The following UGT1A9 variants were observed in gnomAD, a reference collection of about 807,000 sequenced individuals.
The protein encoded by UGT1A9 is UDP glucuronosyltransferase family 1 member A9, also known as UDP-glucuronosyltransferase 1A9.
Under a neutral mutation model 45.0 loss-of-function variants are expected in UGT1A9, and 35 were observed. That is an observed-to-expected ratio of 0.78 (90% CI 0.59 to 1.03). The LOEUF (loss-of-function observed/expected upper bound fraction) is 1.03. Among genes scored for constraint, UGT1A9 ranks in the 50% least tolerant of loss-of-function variants. The pLI, the probability that UGT1A9 is intolerant of heterozygous loss-of-function variation, is 0.00. For synonymous variants in UGT1A9, 278 were observed against 250.6 expected (o/e 1.11, Z -1.03); for missense variants, 687 against 666.6 (o/e 1.03, Z -0.34).
intron 1 of UGT1A9, among the ~76,000 whole-genome samples, chr2:233,722,870 A>ATTTTTT: frequency 7.8e-6 from 1 of 127,982 alleles, no homozygotes; most frequent in Non-Finnish European, 1.7e-5. Context: ...GAAGGAAAAA[A>ATTTTTT]TAAATTTATT....
At chr2:233,697,139 T>G (rs2075377929) in intron 1 of UGT1A9, among the ~76,000 whole-genome samples, 1 of 152,116 alleles carries the variant, frequency 6.6e-6, no homozygotes. Flanking sequence ...TCTGTAATAG[T>G]TTGAGTGGAA....
chr2:233,732,704 T>C (rs2078302376), intron 1 of UGT1A9, among the ~76,000 whole-genome samples: 1 of 152,126 alleles, frequency 6.6e-6, no homozygotes. Flanking sequence ...GTTTTGTTAC[T>C]GTAGCCTTGT....
At chr2:233,767,212 G>T (rs377453564) in intron 2 of UGT1A9, 47 bp downstream of exon 2, 3 of 1,612,180 alleles carry the variant, frequency 1.9e-6, no homozygotes, top group Admixed American at 3.3e-5. Flanking sequence ...TCACAGGAGC[G>T]CTAATCCCAG....
chr2:233,682,607 T>C (rs1418324238), intron 1 of UGT1A9: 4 of 1,613,944 alleles, frequency 2.5e-6, no homozygotes, highest in Non-Finnish European at 3.4e-6. Flanking sequence ...CCCCTATTTT[T>C]TCAAAAATGT....
chr2:233,742,756 G>T (rs1692089977), intron 1 of UGT1A9: 1 of 153,056 alleles, frequency 6.5e-6, no homozygotes, highest in Middle Eastern at 3.4e-3. Flanking sequence ...AAAATATTAA[G>T]ATAATAAATG....
chr2:233,712,695 C>T (rs2076249622), intron 1 of UGT1A9, among the ~76,000 whole-genome samples: 1 of 152,134 alleles, frequency 6.6e-6, no homozygotes, highest in Non-Finnish European at 1.5e-5. Flanking sequence ...TGGGGGTTCA[C>T]AGCCTTGTGT....
chr2:233,749,216 C>G lies in UGT1A9; in HGVS notation c.856-17818C>G, dbSNP rs1401762551. ...AACATAGGTATTATTGCCAAACACT[C>G]TAAGCTTCATTTTTTAAAATCAAAC... On this transcript the variant is annotated intron_variant, in intron 1 of 4. Coordinates refer to ENST00000354728, the MANE Select transcript of UGT1A9 (RefSeq NM_021027.3). Among the ~76,000 whole-genome samples, 5 of 151,786 alleles carry G rather than the reference C, an allele frequency of 3.3e-5. No homozygotes were observed. The East Asian group carries it at 5.8e-4, about 18-fold the overall frequency.
intron 1 of UGT1A9, chr2:233,713,853 T>C: frequency 6.2e-7 from 1 of 1,613,998 alleles, no homozygotes. Context: ...GAAGCCACTA[T>C]CTCAGGTCTG....
In UGT1A9 at chr2:233,725,323, G is replaced by T. The variant is rs1370271039; in HGVS notation, c.856-41711G>T. Among the ~76,000 whole-genome samples the T allele has an allele frequency of 2.0e-5, 2 of 97,652 alleles. 1 individual carries two copies. The highest frequency in any genetic ancestry group is 4.3e-5 in the Non-Finnish European group (2 of 46,066). 64.1% of individuals were successfully genotyped at this position (97,652 alleles called of 152,430 possible). The stretch of plus-strand genomic sequence containing the variant: ...GCAGAGGCAGAGGCAGAGGCGCCTG[G>T]TCAACAATCTTAAGTCCAATAAGAA... On this transcript the variant is annotated intron_variant, in intron 1 of 4. Transcript: ENST00000354728.
At chr2:233,710,698 G>A (rs1267574766) in intron 1 of UGT1A9, among the ~76,000 whole-genome samples, 1 of 152,116 alleles carries the variant, frequency 6.6e-6, no homozygotes, top group Non-Finnish European at 1.5e-5. Flanking sequence ...TCTGGTGTGT[G>A]GTGTCCTTTG....
Position 233,730,003 on chromosome 2 carries a change from G to C in UGT1A9, c.856-37031G>C, listed in dbSNP as rs2077967778. The C allele has an allele frequency of 2.5e-6, 4 of 1,613,818 alleles. No individual in the cohort carries two copies. The South Asian group carries it at 3.3e-5, about 13-fold the overall frequency. On this transcript the variant is annotated intron_variant, in intron 1 of 4. Coordinates refer to ENST00000354728, the MANE Select transcript of UGT1A9 (RefSeq NM_021027.3). ...GAAGCCACTATCTCAGGTCTGTATT[G>C]GTGCCTTCATCCAATCAATGTTCCA... is the stretch of plus-strand genomic sequence containing the variant.
rs916615602 is a variant in UGT1A9, at chr2:233,672,392, G to C, written c.458G>C (p.Cys153Ser). ...DAVFLDPFDNCGLIVAKYFSL... is the reference protein window; with the variant it reads ...DAVFLDPFDNSGLIVAKYFSL... ...GTGTTTCTCGATCCTTTTGATAACT[G>C]TGGCTTAATTGTTGCCAAATATTTC... is the stretch of plus-strand genomic sequence containing the variant. Residue 153 changes from cysteine to serine, a missense_variant, in exon 1 of 5, where the codon TGT becomes TCT. By Grantham distance (112) the Cys-to-Ser change is moderately radical. Transcript: ENST00000354728. The C allele has an allele frequency of 3.1e-6, 5 of 1,613,892 alleles. No homozygotes were observed. The highest frequency in any genetic ancestry group is 4.2e-6 in the Non-Finnish European group (5 of 1,179,992).
chr2:233,749,046 C>T (rs1190467042), intron 1 of UGT1A9, among the ~76,000 whole-genome samples: 1 of 151,734 alleles, frequency 6.6e-6, no homozygotes, highest in Non-Finnish European at 1.5e-5. Flanking sequence ...ATGTGGTACT[C>T]TGGGACCTGA....
chr2:233,707,616 T>C (rs557217534), intron 1 of UGT1A9, among the ~76,000 whole-genome samples: 2 of 152,218 alleles, frequency 1.3e-5, no homozygotes, highest in East Asian at 3.9e-4. Context: ...TTGTGGATTG[T>C]CAGTACTGAA....
At chr2:233,719,439 T>C (rs2076766360) in intron 1 of UGT1A9, 1 of 1,613,970 alleles carries the variant, frequency 6.2e-7, no homozygotes, top group Non-Finnish European at 8.5e-7. Context: ...CCACATGACA[T>C]TCCTGCAAAG....
At chr2:233,674,447 C>T (rs895905292) in intron 1 of UGT1A9, among the ~76,000 whole-genome samples, 11 of 152,136 alleles carry the variant, frequency 7.2e-5, no homozygotes, top group African/African-American at 2.7e-4. Context: ...GTGTTGCCTG[C>T]ACCCCACAAC....
intron 1 of UGT1A9, among the ~76,000 whole-genome samples, chr2:233,724,344 C>CA (rs2077230286): frequency 1.4e-5 from 2 of 144,986 alleles, no homozygotes; most frequent in East Asian, 2.2e-4. Context: ...GGGCTGACCC[C>CA]CCCCACCTCC....
At chr2:233,700,348 T>C (rs1340471212) in intron 1 of UGT1A9, among the ~76,000 whole-genome samples, 1 of 152,336 alleles carries the variant, frequency 6.6e-6, no homozygotes, top group East Asian at 1.9e-4. Flanking sequence ...ACCCTGTGCT[T>C]ATCTTTATGG....
At chr2:233,721,315 T>C (rs1187847952) in intron 1 of UGT1A9, among the ~76,000 whole-genome samples, 1 of 152,192 alleles carries the variant, frequency 6.6e-6, no homozygotes, top group Non-Finnish European at 1.5e-5. Context: ...ATTGTGGCTC[T>C]TTTCTTGTGG....
Sources: gnomAD v4.1 joint callset for allele counts (sites outside exome capture counted in the v4.1 genomes callset) on GRCh38, gnomAD v4.1.1 for gene constraint, MANE v1.5 for transcripts, NCBI Gene and HGNC (gene_info 2026-07-23, HGNC 2026-07-21) for gene names.